ECT2L: variants seen among roughly 807,000 people sequenced by gnomAD.
ECT2L encodes the protein epithelial cell-transforming sequence 2 oncogene-like.
A neutral mutation model predicts 122.8 loss-of-function variants in ECT2L; 126 were observed. The observed-to-expected ratio is 1.03, with a 90% CI of 0.89 to 1.19. The LOEUF (loss-of-function observed/expected upper bound fraction) is 1.19. Ranked by LOEUF, ECT2L falls within the 50% of genes most tolerant of loss-of-function variation. The probability of loss-of-function intolerance (pLI) is 0.00; values close to 1 mark genes in which losing one functional copy is unlikely to be tolerated. For synonymous variants in ECT2L, 385 were observed against 381.8 expected, an observed-to-expected ratio of 1.01 and a Z score of -0.10; for missense variants, 1,012 against 1,064.1, an observed-to-expected ratio of 0.95 and a Z score of 0.68.
intron 4 of ECT2L, among the ~76,000 whole-genome samples, chr6:138,833,868 C>G (rs1303674117): frequency 6.6e-6 from 1 of 151,668 alleles, no homozygotes; most frequent in Admixed American, 6.6e-5. Context: ...TGAACAGCAC[C>G]CAGACCCTGA....
chr6:138,827,694 G>A (rs151314385), intron 4 of ECT2L, among the ~76,000 whole-genome samples: 1,601 of 152,160 alleles, frequency 0.011, 9 homozygotes, highest in Non-Finnish European at 0.016. Flanking sequence ...AAGTAGCTGG[G>A]ATTACAGGTG....
rs1001660844 is a variant in ECT2L, at chr6:138,799,448, G to A, written c.-244+3256G>A. Among the ~76,000 whole-genome samples the A allele has an allele frequency of 3.3e-5, 5 of 152,072 alleles. No homozygotes were observed. The East Asian group carries it at 9.6e-4, about 29-fold the overall frequency. On this transcript the variant is annotated intron_variant, in intron 1 of 21. Transcript: ENST00000541398. ...TTTTTTGCATTTTTAGTAGAGACGG[G>A]GTTTCACTGTGTTAGCCAGGATGGT...
chr6:138,839,517 C>T (rs1376841995), intron 5 of ECT2L, among the ~76,000 whole-genome samples: 1 of 152,096 alleles, frequency 6.6e-6, no homozygotes, highest in African/African-American at 2.4e-5. Context: ...ACATGCACTA[C>T]CACGTCCAGC....
At chr6:138,887,603 T>C (rs1043436300) in intron 19 of ECT2L, among the ~76,000 whole-genome samples, 9 of 152,204 alleles carry the variant, frequency 5.9e-5, no homozygotes, top group African/African-American at 1.9e-4. Context: ...GAACAAGCTT[T>C]AGAAGGCCTG....
rs114468253 is a variant in ECT2L at position 138,894,367 on chromosome 6, G to A, written c.2414+5336G>A. Among the ~76,000 whole-genome samples, 1,146 of 152,252 alleles carry A rather than the reference G, an allele frequency of 7.5e-3. 9 individuals carry two copies. The highest frequency in any genetic ancestry group is 0.025 in the African/African-American group (1,059 of 41,536). On this transcript the variant is annotated intron_variant, in intron 20 of 21. Coordinates refer to ENST00000541398, the MANE Select transcript of ECT2L (RefSeq NM_001077706.3). Reference sequence around the variant, plus strand: ...ACCACACCCGGCCTACAACTTCCAAGCTCTTTACATGTGGACTGGAAGCTG... The same window carrying A: ...ACCACACCCGGCCTACAACTTCCAAACTCTTTACATGTGGACTGGAAGCTG...
chr6:138,867,803 T>A (rs1448341213), intron 12 of ECT2L, among the ~76,000 whole-genome samples: 1 of 151,772 alleles, frequency 6.6e-6, no homozygotes, highest in Non-Finnish European at 1.5e-5. Flanking sequence ...CATTCCAGCC[T>A]GGGTGACAAG....
intron 10 of ECT2L, among the ~76,000 whole-genome samples, chr6:138,855,162 T>C (rs1777571460): frequency 6.6e-6 from 1 of 151,888 alleles, no homozygotes. Context: ...TTTACAAAGT[T>C]ATTCCAATTA....
chr6:138,834,159 A>T (rs773408403), intron 4 of ECT2L, among the ~76,000 whole-genome samples: 1 of 152,354 alleles, frequency 6.6e-6, no homozygotes, highest in Non-Finnish European at 1.5e-5. Context: ...ATTATCATGA[A>T]TTATTTAAAT....
At chr6:138,821,281 T>C (rs1330356495) in intron 4 of ECT2L, among the ~76,000 whole-genome samples, 2 of 152,196 alleles carry the variant, frequency 1.3e-5, no homozygotes, top group East Asian at 1.9e-4. Context: ...ATGAAGGAAA[T>C]AGTTTGTTCT....
At chr6:138,883,507 G>A (rs1469570825) in intron 16 of ECT2L, among the ~76,000 whole-genome samples, 1 of 152,140 alleles carries the variant, frequency 6.6e-6, no homozygotes, top group Non-Finnish European at 1.5e-5. Context: ...TTGTCACATG[G>A]CAGCACACTT....
At chr6:138,853,858 T>C (rs552016128) in intron 9 of ECT2L, among the ~76,000 whole-genome samples, 168 bp from the exon 10 acceptor site, 1 of 152,300 alleles carries the variant, frequency 6.6e-6, no homozygotes, top group East Asian at 1.9e-4. Context: ...ACCAGGACCA[T>C]GGAGATGGCT....
At chr6:138,838,773 T>C (rs192896991) in intron 5 of ECT2L, among the ~76,000 whole-genome samples, 6 of 152,364 alleles carry the variant, frequency 3.9e-5, no homozygotes, top group South Asian at 2.1e-4. Flanking sequence ...AAACATTTTA[T>C]CTTGGTTAAA....
intron 1 of ECT2L, among the ~76,000 whole-genome samples, chr6:138,796,446 T>C (rs1336466111): frequency 3.3e-5 from 5 of 152,212 alleles, no homozygotes; most frequent in African/African-American, 1.2e-4. Context: ...AAGTAAACTC[T>C]TACCTCCTCC....
chr6:138,899,438 A>ATT (rs1779322770), intron 20 of ECT2L, among the ~76,000 whole-genome samples: 3 of 139,498 alleles, frequency 2.2e-5, no homozygotes, highest in Middle Eastern at 3.6e-3. Context: ...CTGTACATAG[A>ATT]TTGTGTGTGT....
In ECT2L at chr6:138,838,391, C is replaced by T; in HGVS notation, c.219C>T (p.Ala73=). The T allele has an allele frequency of 6.2e-7, 1 of 1,609,964 alleles. No homozygotes were observed. Among genetic ancestry groups the T allele is most frequent in the Middle Eastern group, 1.7e-4 (1 of 6,054 alleles). ...QDWFSERMQV[A]KVDFSTVLPR... ...GGTTTTCAGAAAGGATGCAAGTGGC[C>T]AAAGTGGACTTCTCTACAGTGTTAC... Residue 73 remains alanine, a synonymous_variant, in exon 5 of 22, where the codon GCC becomes GCT. Coordinates refer to ENST00000541398, the MANE Select transcript of ECT2L (RefSeq NM_001077706.3).
chr6:138,885,051 T>C (rs1778768597), intron 16 of ECT2L, among the ~76,000 whole-genome samples: 1 of 128,278 alleles, frequency 7.8e-6, no homozygotes, highest in Non-Finnish European at 1.6e-5. Context: ...TTTTTTGAGA[T>C]GGAGTCTCGC....
At chr6:138,826,206 G>A (rs1468850701) in intron 4 of ECT2L, among the ~76,000 whole-genome samples, 3 of 152,016 alleles carry the variant, frequency 2.0e-5, no homozygotes, top group Non-Finnish European at 4.4e-5. Context: ...AATTCTCTCA[G>A]CTCTCTTGCT....
Position 138,839,760 on chromosome 6 carries a change from T to C in ECT2L, c.342+1246T>C, listed in dbSNP as rs189143679. Among the ~76,000 whole-genome samples, 1,500 of 152,360 alleles carry C rather than the reference T, an allele frequency of 9.8e-3. 12 individuals carry two copies. Among genetic ancestry groups the C allele is most frequent in the Non-Finnish European group, 0.016 (1,057 of 68,042 alleles). ...TTGTCCCATTTGTTTTATGTTTTTTTCCCTCTCCCTGTCTTCCTTTGTGCG... is the reference window on the plus strand; with the variant it reads ...TTGTCCCATTTGTTTTATGTTTTTTCCCCTCTCCCTGTCTTCCTTTGTGCG... On this transcript the variant is annotated intron_variant, in intron 5 of 21. Coordinates refer to ENST00000541398, the MANE Select transcript of ECT2L (RefSeq NM_001077706.3).
intron 11 of ECT2L, among the ~76,000 whole-genome samples, chr6:138,863,237 A>G (rs1450284172): frequency 6.6e-6 from 1 of 152,200 alleles, no homozygotes; most frequent in East Asian, 1.9e-4. Flanking sequence ...GCTGACCAAC[A>G]ACAGAACCAA....
Sources: allele counts gnomAD v4.1 joint callset (sites outside exome capture counted in the v4.1 genomes callset), GRCh38; gene constraint gnomAD v4.1.1; transcripts MANE v1.5; gene names NCBI Gene and HGNC (gene_info 2026-07-23, HGNC 2026-07-21).